KHDRBS2: variants seen among roughly 807,000 people sequenced by gnomAD.
The protein encoded by KHDRBS2 is KH domain-containing, RNA-binding, signal transduction-associated protein 2.
In KHDRBS2, 26 loss-of-function variants were observed where a neutral mutation model predicts 44.3. That is an observed-to-expected ratio of 0.59 (90% CI 0.43 to 0.81). The LOEUF is 0.81. Ranked by LOEUF, KHDRBS2 falls within the 40% of genes least tolerant of loss-of-function variation. KHDRBS2 has a pLI of 0.00. For synonymous variants in KHDRBS2, 194 were observed against 151.1 expected, an observed-to-expected ratio of 1.28 and a Z score of -2.08; for missense variants, 476 against 433.1, an observed-to-expected ratio of 1.10 and a Z score of -0.88.
chr6:62,213,364 G>A (rs1829416561), intron 1 of KHDRBS2, among the ~76,000 whole-genome samples: 1 of 152,054 alleles, frequency 6.6e-6, no homozygotes, highest in Admixed American at 6.6e-5. Context: ...AAAAAATTCT[G>A]AGAATAGGGG....
At chr6:62,112,208 T>C (rs900084840) in intron 2 of KHDRBS2, among the ~76,000 whole-genome samples, 3 of 152,128 alleles carry the variant, frequency 2.0e-5, no homozygotes, top group Non-Finnish European at 4.4e-5. Context: ...TGAAACTCTA[T>C]AGTTAAACTA....
chr6:62,039,255 A>AACAC (rs142933011), intron 3 of KHDRBS2, among the ~76,000 whole-genome samples: 74,979 of 145,640 alleles, frequency 0.51, 19,201 homozygotes, highest in East Asian at 0.66. Context: ...TACACAGGCA[A>AACAC]ACACACACAC....
intron 6 of KHDRBS2, among the ~76,000 whole-genome samples, chr6:61,818,124 A>C (rs867609436): frequency 6.6e-6 from 1 of 152,006 alleles, no homozygotes; most frequent in Non-Finnish European, 1.5e-5. Context: ...TGCCAAGATA[A>C]TATCTACTAT....
intron 2 of KHDRBS2, among the ~76,000 whole-genome samples, chr6:62,117,634 C>T (rs1052166125): frequency 6.6e-6 from 1 of 151,994 alleles, no homozygotes; most frequent in Admixed American, 6.6e-5. Context: ...TATATTTTTG[C>T]TCCTGTTACC....
Position 62,107,440 on chromosome 6 carries a change from AAG to A in KHDRBS2, c.220-59448_220-59447del, listed in dbSNP as rs372456025. Among the ~76,000 whole-genome samples, 188 of 152,300 alleles carry A rather than the reference AAG, an allele frequency of 1.2e-3. 1 individual carries two copies. In the East Asian group the frequency reaches 0.024, roughly 19 times the overall value. ...TACAAACCACTGCTCAGTGAAATAA[AAG>A]AGGATACAAACAAACGAAAGAACAT... On this transcript the variant is annotated intron_variant, in intron 2 of 8. Transcript: ENST00000281156.
At chr6:62,043,111 T>G (rs1786907645) in intron 3 of KHDRBS2, among the ~76,000 whole-genome samples, 1 of 152,124 alleles carries the variant, frequency 6.6e-6, no homozygotes, top group African/African-American at 2.4e-5. Context: ...ATTGTCTGAT[T>G]TTCTCTAACC....
At chr6:61,929,524 C>T (rs902161916) in intron 4 of KHDRBS2, among the ~76,000 whole-genome samples, 2 of 152,026 alleles carry the variant, frequency 1.3e-5, no homozygotes, top group African/African-American at 4.8e-5. Context: ...TTAGTAAGAC[C>T]CCCCTCAGTC....
At chr6:62,017,186 G>A (rs1781370346) in intron 3 of KHDRBS2, among the ~76,000 whole-genome samples, 1 of 152,096 alleles carries the variant, frequency 6.6e-6, no homozygotes, top group African/African-American at 2.4e-5. Context: ...ACCTATAGGA[G>A]GCTGTGCCTA....
intron 4 of KHDRBS2, among the ~76,000 whole-genome samples, chr6:61,930,213 G>C (rs1227985612): frequency 6.6e-6 from 1 of 152,120 alleles, no homozygotes; most frequent in Admixed American, 6.5e-5. Flanking sequence ...CAGGCACCTT[G>C]ATATTAAACT....
At chr6:62,109,209 T>G (rs577525445) in intron 2 of KHDRBS2, among the ~76,000 whole-genome samples, 1 of 152,080 alleles carries the variant, frequency 6.6e-6, no homozygotes, top group African/African-American at 2.4e-5. Context: ...TAACTCACCA[T>G]ATTAACAATC....
chr6:61,646,996 G>A, the KHDRBS2 span, among the ~76,000 whole-genome samples: 2 of 151,742 alleles, frequency 1.3e-5, no homozygotes, highest in African/African-American at 4.8e-5. Flanking sequence ...ATTTTTGTAT[G>A]TTTATAGAGA....
intron 7 of KHDRBS2, among the ~76,000 whole-genome samples, chr6:61,712,541 T>C (rs1364057926): frequency 6.6e-6 from 1 of 151,836 alleles, no homozygotes; most frequent in South Asian, 2.1e-4. Context: ...GGAAGCAATA[T>C]GATATTAGGA....
At chr6:61,724,514 G>A (rs1285735222) in intron 7 of KHDRBS2, among the ~76,000 whole-genome samples, 1 of 152,082 alleles carries the variant, frequency 6.6e-6, no homozygotes, top group Non-Finnish European at 1.5e-5. Flanking sequence ...AAGACAGAAT[G>A]GCAAGCTGGA....
chr6:62,020,907 G>A (rs142676374), intron 3 of KHDRBS2, among the ~76,000 whole-genome samples: 85 of 152,008 alleles, frequency 5.6e-4, no homozygotes, highest in African/African-American at 2.0e-3. Context: ...ACAAACCGTT[G>A]TATCATAAAG....
In KHDRBS2 at chr6:62,255,605, AACACACACACACACACACACAC is replaced by A. The variant is rs60498757; in HGVS notation, c.91+30231_91+30252del. 5.5e-4 allele frequency among the ~76,000 whole-genome samples: 75 copies of A among 137,510 alleles called. No individual in the cohort carries two copies. The South Asian group carries it at 7.6e-3, about 14-fold the overall frequency. The allele number at this position is 137,510 out of a possible 152,430, so 90.2% of individuals were successfully genotyped here. On this transcript the variant is annotated intron_variant, in intron 1 of 8. Coordinates refer to ENST00000281156, the MANE Select transcript of KHDRBS2 (RefSeq NM_152688.4). ...TTTACCCTCATTCCTCATGCTTTAAAACACACACACACACACACACACACACACACACACACACACACACACA... is the reference window on the plus strand; with the variant it reads ...TTTACCCTCATTCCTCATGCTTTAAAACACACACACACACACACACACACA...
chr6:62,029,910 C>A (rs753180073), intron 3 of KHDRBS2, among the ~76,000 whole-genome samples: 15 of 151,702 alleles, frequency 9.9e-5, no homozygotes, highest in Non-Finnish European at 2.1e-4. Flanking sequence ...AGCTCCTTTA[C>A]TAAGAAATAA....
intron 4 of KHDRBS2, among the ~76,000 whole-genome samples, chr6:61,975,653 G>GCACACACACACACACA (rs567222441): frequency 3.4e-5 from 3 of 88,402 alleles, no homozygotes; most frequent in South Asian, 8.3e-4. Context: ...TAAGCAAGAT[G>GCACACACACACACACA]CACACACACA....
chr6:62,119,803 T>C (rs1400020140), intron 2 of KHDRBS2, among the ~76,000 whole-genome samples: 1 of 152,192 alleles, frequency 6.6e-6, no homozygotes, highest in Non-Finnish European at 1.5e-5. Context: ...GCAACAGTGA[T>C]GGCCTCTCTT....
chr6:62,102,411 A>G (rs1232095293), intron 2 of KHDRBS2, among the ~76,000 whole-genome samples: 1 of 152,188 alleles, frequency 6.6e-6, no homozygotes, highest in African/African-American at 2.4e-5. Flanking sequence ...TGGCACCCAA[A>G]ACCTCAGAGA....
Sources: gnomAD v4.1 joint callset for allele counts (sites outside exome capture counted in the v4.1 genomes callset) on GRCh38, gnomAD v4.1.1 for gene constraint, MANE v1.5 for transcripts, NCBI Gene and HGNC (gene_info 2026-07-23, HGNC 2026-07-21) for gene names.